NRXN1: variants seen among roughly 807,000 people sequenced by gnomAD.
NRXN1 encodes neurexin-1.
In NRXN1, 39 loss-of-function variants were observed where a neutral mutation model predicts 150.9. That is an observed-to-expected ratio of 0.26 (90% CI 0.20 to 0.34). The LOEUF is 0.34. Ranked by LOEUF, NRXN1 falls within the 10% of genes least tolerant of loss-of-function variation. The pLI is 1.00. For synonymous variants in NRXN1, 924 were observed against 757.0 expected (o/e 1.22, Z -3.62); for missense variants, 1,815 against 1,949.9 (o/e 0.93, Z 1.30).
chr2:50,665,967 C>T (rs1687962338), intron 5 of NRXN1, among the ~76,000 whole-genome samples: 1 of 151,850 alleles, frequency 6.6e-6, no homozygotes, highest in Non-Finnish European at 1.5e-5. Flanking sequence ...ATATTTTATA[C>T]ATCTATGAAA....
At chr2:50,142,348 G>T (rs529979943) in intron 18 of NRXN1, among the ~76,000 whole-genome samples, 1 of 151,544 alleles carries the variant, frequency 6.6e-6, no homozygotes, top group South Asian at 2.1e-4. Flanking sequence ...TAGGACAGGG[G>T]GTATAAACAT....
intron 5 of NRXN1, among the ~76,000 whole-genome samples, chr2:50,687,482 G>C (rs948609083): frequency 6.6e-6 from 1 of 151,952 alleles, no homozygotes; most frequent in Non-Finnish European, 1.5e-5. Context: ...CTCAACGTCA[G>C]GCTTTCAGCT....
chr2:50,246,981 C>T (rs1052880154), intron 17 of NRXN1, among the ~76,000 whole-genome samples: 3 of 152,036 alleles, frequency 2.0e-5, no homozygotes, highest in Non-Finnish European at 2.9e-5. Flanking sequence ...ATACACTCCT[C>T]AAGCTAAGTC....
intron 8 of NRXN1, among the ~76,000 whole-genome samples, chr2:50,559,180 C>G (rs1668691230): frequency 6.6e-6 from 1 of 152,166 alleles, no homozygotes; most frequent in South Asian, 2.1e-4. Flanking sequence ...TCTTTCTACG[C>G]ACCATCTCCT....
intron 18 of NRXN1, among the ~76,000 whole-genome samples, chr2:50,230,962 T>G (rs2064883844): frequency 6.6e-6 from 1 of 152,110 alleles, no homozygotes; most frequent in South Asian, 2.1e-4. Flanking sequence ...GAAAAGGCAT[T>G]ATTTAACCCA....
At chr2:50,065,960 T>C (rs73932905) in intron 19 of NRXN1, among the ~76,000 whole-genome samples, 5,489 of 152,278 alleles carry the variant, frequency 0.036, 338 homozygotes, top group African/African-American at 0.12. Context: ...CTCTTTTCCT[T>C]CTTGCCTATT....
chr2:50,428,810 C>A (rs962269756), intron 17 of NRXN1, among the ~76,000 whole-genome samples: 12 of 152,068 alleles, frequency 7.9e-5, no homozygotes, highest in African/African-American at 2.9e-4. Flanking sequence ...CACAAAAATC[C>A]AATGAGAAAG....
intron 5 of NRXN1, among the ~76,000 whole-genome samples, chr2:50,899,220 C>T (rs1486348655): frequency 6.6e-6 from 1 of 152,172 alleles, no homozygotes; most frequent in East Asian, 1.9e-4. Flanking sequence ...CAAATCGCCA[C>T]ATCAATAATT....
At chr2:50,960,357 T>C (rs1298021882) in intron 2 of NRXN1, among the ~76,000 whole-genome samples, 1 of 143,286 alleles carries the variant, frequency 7.0e-6, no homozygotes, top group Non-Finnish European at 1.5e-5. Flanking sequence ...TTTCCTTCCT[T>C]TCCTACCTAG....
At chr2:50,995,076 G>C (rs1261479124) in intron 2 of NRXN1, among the ~76,000 whole-genome samples, 1 of 151,856 alleles carries the variant, frequency 6.6e-6, no homozygotes. Context: ...TTTACACTGA[G>C]GCCTAAATTA....
At chr2:50,740,869 T>C (rs1332802187) in intron 5 of NRXN1, among the ~76,000 whole-genome samples, 1 of 152,144 alleles carries the variant, frequency 6.6e-6, no homozygotes, top group Non-Finnish European at 1.5e-5. Context: ...ACTTTTGGAG[T>C]ATCTGTCATA....
intron 21 of NRXN1, among the ~76,000 whole-genome samples, chr2:50,033,710 AT>A (rs1390810293): frequency 6.6e-6 from 1 of 151,944 alleles, no homozygotes; most frequent in Non-Finnish European, 1.5e-5. Flanking sequence ...ATGAGAGAAA[AT>A]TTTTGCAAAC....
At chr2:50,105,021 G>A (rs1023409437) in intron 18 of NRXN1, among the ~76,000 whole-genome samples, 2 of 151,928 alleles carry the variant, frequency 1.3e-5, no homozygotes, top group Non-Finnish European at 2.9e-5. Context: ...CTGAAGTCAC[G>A]CAGCTAAAAC....
intron 2 of NRXN1, chr2:50,979,296 C>T (rs1433195059): frequency 3.9e-6 from 2 of 517,880 alleles, no homozygotes; most frequent in South Asian, 2.8e-5. Flanking sequence ...GAGAGAACTT[C>T]CTCACCCATG....
chr2:50,195,001 C>G (rs1013349906), intron 18 of NRXN1, among the ~76,000 whole-genome samples: 7 of 152,132 alleles, frequency 4.6e-5, no homozygotes, highest in African/African-American at 1.7e-4. Context: ...AAAATTAATA[C>G]GGCCCTGTAG....
At chr2:50,127,345 C>T (rs1181348220) in intron 18 of NRXN1, among the ~76,000 whole-genome samples, 7 of 152,106 alleles carry the variant, frequency 4.6e-5, no homozygotes, top group Non-Finnish European at 8.8e-5. Context: ...AGTATTAGTA[C>T]ATAAATCATA....
At chr2:50,185,874 T>C (rs1312460456) in intron 18 of NRXN1, among the ~76,000 whole-genome samples, 3 of 152,118 alleles carry the variant, frequency 2.0e-5, no homozygotes, top group Admixed American at 2.0e-4. Flanking sequence ...AAACTTCAAA[T>C]TACCTTGGTT....
chr2:50,308,719 G>A (rs910359865), intron 17 of NRXN1, among the ~76,000 whole-genome samples: 8 of 151,930 alleles, frequency 5.3e-5, no homozygotes, highest in African/African-American at 1.5e-4. Context: ...TTCTGCGTCC[G>A]GCTTATTTCA....
chr2:50,164,973 T>C (rs1051286566), intron 18 of NRXN1, among the ~76,000 whole-genome samples: 1 of 152,110 alleles, frequency 6.6e-6, no homozygotes, highest in Non-Finnish European at 1.5e-5. Flanking sequence ...AGGCTATACA[T>C]GAGGAGAGAG....
Sources: gnomAD v4.1 joint callset for allele counts (sites outside exome capture counted in the v4.1 genomes callset) on GRCh38, gnomAD v4.1.1 for gene constraint, MANE v1.5 for transcripts, NCBI Gene and HGNC (gene_info 2026-07-23, HGNC 2026-07-21) for gene names.